TMEM50A: variants seen among roughly 807,000 people sequenced by gnomAD.
The protein encoded by TMEM50A is cervical cancer oncogene 9.
In TMEM50A, 8 loss-of-function variants were observed where a neutral mutation model predicts 23.9. The ratio of observed to expected loss-of-function variants is 0.33; its 90% CI spans 0.20 to 0.60. The LOEUF is 0.60. Ranked by LOEUF, TMEM50A falls within the 20% of genes least tolerant of loss-of-function variation. The probability of loss-of-function intolerance (pLI) is 0.81; values close to 1 mark genes in which losing one functional copy is unlikely to be tolerated. For synonymous variants in TMEM50A, 55 were observed against 60.4 expected (o/e 0.91, Z 0.41); for missense variants, 178 against 192.7 (o/e 0.92, Z 0.45).
chr1:25,342,624 A>G (rs1645178846), intron 2 of TMEM50A: 1 of 162,700 alleles, frequency 6.1e-6, no homozygotes, highest in Non-Finnish European at 1.3e-5. Flanking sequence ...TATCAACAGG[A>G]CACTTCTGTC....
chr1:25,356,963 A>C, intron 6 of TMEM50A, 110 bp downstream of exon 6: 2 of 707,692 alleles, frequency 2.8e-6, no homozygotes, highest in Non-Finnish European at 4.6e-6. Flanking sequence ...CCCCTCCCCC[A>C]TGATATTTTC....
rs72885088 is a variant in TMEM50A, at chr1:25,356,231, C to T, written c.368-562C>T. Among the ~76,000 whole-genome samples the T allele has an allele frequency of 4.9e-3, 742 of 152,322 alleles. 6 individuals carry two copies. Among genetic ancestry groups the T allele is most frequent in the African/African-American group, 0.017 (709 of 41,578 alleles). ...CACTCAGAGTAAAAATCAGAGTCCT[C>T]ACTGTGACTGCCAGGTCTCTGCTGC... On this transcript the variant is annotated intron_variant, in intron 5 of 6. Transcript: ENST00000374358.
intron 3 of TMEM50A, among the ~76,000 whole-genome samples, chr1:25,348,781 T>C (rs1645247549): frequency 6.6e-6 from 1 of 152,188 alleles, no homozygotes; most frequent in Non-Finnish European, 1.5e-5. Context: ...ACCAGTGTTC[T>C]CTTCTGTTTT....
At position 25,346,691 on chromosome 1, in the gene TMEM50A, G is replaced by A. The variant is rs148385274; in HGVS notation, c.206+3618G>A. Among the ~76,000 whole-genome samples the A allele has an allele frequency of 6.6e-5, 10 of 152,146 alleles. No homozygotes were observed. In the East Asian group the frequency reaches 1.9e-3, roughly 29 times the overall value. On this transcript the variant is annotated intron_variant, in intron 3 of 6. Coordinates refer to ENST00000374358, the MANE Select transcript of TMEM50A (RefSeq NM_014313.4). ...CTGCATGATAGGTGTGAGTCACTGT[G>A]CTCTCTGCCTTTATTATTTTAAAAA... is the stretch of plus-strand genomic sequence containing the variant.
chr1:25,339,837 A>AT (rs1645148595), intron 1 of TMEM50A, among the ~76,000 whole-genome samples: 1 of 152,220 alleles, frequency 6.6e-6, no homozygotes, highest in South Asian at 2.1e-4. Flanking sequence ...GATGTGACAG[A>AT]TTTTCAGGAG....
intron 3 of TMEM50A, 113 bp from the exon 4 acceptor site, chr1:25,351,511 TAA>T (rs66744254): frequency 0.2 from 111,672 of 562,426 alleles, 1 homozygote; most frequent in South Asian, 0.29. Context: ...CCTGTATCTT[TAA>T]AAAAAAAAAA....
chr1:25,360,152 A>T (rs1035114341), intron 6 of TMEM50A, among the ~76,000 whole-genome samples: 1 of 152,168 alleles, frequency 6.6e-6, no homozygotes, highest in Non-Finnish European at 1.5e-5. Flanking sequence ...GATCGAGACC[A>T]TCTTGGCTAC....
At chr1:25,348,683 CA>C (rs57543271) in intron 3 of TMEM50A, among the ~76,000 whole-genome samples, 1,616 of 141,270 alleles carry the variant, frequency 0.011, 31 homozygotes, top group African/African-American at 0.04. Context: ...GACTCCATCT[CA>C]AAAAAAAAAA....
At chr1:25,353,015 C>A in intron 5 of TMEM50A, 41 bp downstream of exon 5, 1 of 1,545,980 alleles carries the variant, frequency 6.5e-7, no homozygotes, top group Non-Finnish European at 8.8e-7. Flanking sequence ...CAGTGGAATA[C>A]TGGAATTTTG....
At chr1:25,341,976 C>T (rs183363052) in intron 2 of TMEM50A, among the ~76,000 whole-genome samples, 3 of 152,014 alleles carry the variant, frequency 2.0e-5, no homozygotes, top group Non-Finnish European at 4.4e-5. Flanking sequence ...CTCCCAAGGT[C>T]CTGAGATTAC....
At chr1:25,343,217 C>T (rs959342505) in intron 3 of TMEM50A, 144 bp downstream of exon 3, 3 of 601,510 alleles carry the variant, frequency 5.0e-6, no homozygotes, top group Non-Finnish European at 8.4e-6. Flanking sequence ...TAGAGATGGA[C>T]TTATACAGAA....
Position 25,360,687 on chromosome 1 carries a change from T to G in TMEM50A, c.456T>G (p.Thr152=). The change falls in exon 7 of 7, where the codon ACT becomes ACG. Residue 152 remains threonine, a synonymous_variant. Transcript: ENST00000374358. ...FGGLVFKFGR[T]EDLWQ Reference sequence around the variant, plus strand: ...GGCTGGTTTTTAAGTTTGGCCGCACTGAAGACTTATGGCAGTGAACACATC... The same window carrying G: ...GGCTGGTTTTTAAGTTTGGCCGCACGGAAGACTTATGGCAGTGAACACATC... The G allele has an allele frequency of 6.2e-7, 1 of 1,614,146 alleles. No homozygotes were observed. Among genetic ancestry groups the G allele is most frequent in the Non-Finnish European group, 8.5e-7 (1 of 1,180,010 alleles).
At chr1:25,340,730 A>C in intron 2 of TMEM50A, 151 bp downstream of exon 2, 1 of 611,654 alleles carries the variant, frequency 1.6e-6, no homozygotes, top group Non-Finnish European at 2.7e-6. Context: ...GAGAGTTATT[A>C]GTTCCACTTT....
At chr1:25,343,789 A>G (rs904150676) in intron 3 of TMEM50A, among the ~76,000 whole-genome samples, 2 of 152,196 alleles carry the variant, frequency 1.3e-5, no homozygotes, top group African/African-American at 4.8e-5. Flanking sequence ...ATGGGGATAT[A>G]TAAGAGAGGT....
At chr1:25,358,029 ACT>A (rs1645354135) in intron 6 of TMEM50A, among the ~76,000 whole-genome samples, 1 of 113,026 alleles carries the variant, frequency 8.8e-6, no homozygotes, top group Non-Finnish European at 1.9e-5. Context: ...CTCCCTGCAA[ACT>A]CTGCCTCCCA....
chr1:25,340,395 C>T, intron 1 of TMEM50A, 79 bp from the exon 2 acceptor site: 1 of 873,630 alleles, frequency 1.1e-6, no homozygotes, highest in Non-Finnish European at 1.8e-6. Context: ...CTAATTATTC[C>T]TGAGCTATTA....
chr1:25,362,124 A>G lies in TMEM50A; in HGVS notation c.*1419A>G, dbSNP rs374955154. 3.0e-6 allele frequency: 1 copy of G among 331,908 alleles called. No individual in the cohort carries two copies. Among genetic ancestry groups the G allele is most frequent in the Admixed American group, 4.6e-5 (1 of 21,756 alleles). 20.6% of individuals were successfully genotyped at this position (331,908 alleles called of 1,614,324 possible). Reference sequence around the variant, plus strand: ...CTGCTGGGAGAAAAGCATGATTCCCACAAGGACTAAGTATCAGTGATTTGT... The same window carrying G: ...CTGCTGGGAGAAAAGCATGATTCCCGCAAGGACTAAGTATCAGTGATTTGT... On this transcript the variant is annotated 3_prime_UTR_variant, in exon 7 of 7. Transcript: ENST00000374358.
At chr1:25,359,910 A>G (rs1645377493) in intron 6 of TMEM50A, among the ~76,000 whole-genome samples, 1 of 151,942 alleles carries the variant, frequency 6.6e-6, no homozygotes, top group Non-Finnish European at 1.5e-5. Context: ...TGCCCCCTTA[A>G]TACTTGTTAT....
intron 2 of TMEM50A, 126 bp from the exon 3 acceptor site, chr1:25,342,835 C>A: frequency 1.6e-6 from 1 of 633,360 alleles, no homozygotes; most frequent in Admixed American, 3.5e-5. Flanking sequence ...GTGCAAATTA[C>A]ATGTGGGAAA....
Sources: gnomAD v4.1 joint callset for allele counts (sites outside exome capture counted in the v4.1 genomes callset) on GRCh38, gnomAD v4.1.1 for gene constraint, MANE v1.5 for transcripts, NCBI Gene and HGNC (gene_info 2026-07-23, HGNC 2026-07-21) for gene names.